SLC7A7: variants seen among roughly 807,000 people sequenced by gnomAD.
SLC7A7 encodes the protein solute carrier family 7 member 7, also known as Y+L amino acid transporter 1.
In SLC7A7, 39 loss-of-function variants were observed where a neutral mutation model predicts 47.9. The observed-to-expected ratio is 0.81, with a 90% CI of 0.63 to 1.06. The LOEUF is 1.06. SLC7A7 is among the 50% of genes least tolerant of loss of function. SLC7A7 has a pLI of 0.00. For synonymous variants in SLC7A7, 234 were observed against 242.8 expected, an observed-to-expected ratio of 0.96 and a Z score of 0.34; for missense variants, 588 against 632.0, an observed-to-expected ratio of 0.93 and a Z score of 0.75.
intron 2 of SLC7A7, among the ~76,000 whole-genome samples, chr14:22,795,385 GCTTTCTTTCTTTCTTT>G (rs1160830498): frequency 1.4e-4 from 2 of 14,496 alleles, no homozygotes; most frequent in African/African-American, 4.2e-4. Context: ...TTGCTTGCTT[GCTTTCTTTCTTTCTTT>G]CTTTCTTTCT....
chr14:22,774,231 C>G, intron 8 of SLC7A7, 115 bp from the exon 9 acceptor site: 1 of 1,590,656 alleles, frequency 6.3e-7, no homozygotes, highest in Admixed American at 1.7e-5. Context: ...CCTTTAATTT[C>G]AACACATTAC....
intron 2 of SLC7A7, 118 bp downstream of exon 2, chr14:22,812,782 T>TATATATATATATATATATATATATATAC (rs1211450082): frequency 1.5e-6 from 1 of 646,306 alleles, no homozygotes; most frequent in African/African-American, 2.0e-5. Context: ...ACTATATATA[T>TATATATATATATATATATATATATATAC]ATATATATAT....
intron 2 of SLC7A7, among the ~76,000 whole-genome samples, chr14:22,804,751 G>A (rs932206313): frequency 5.9e-5 from 9 of 152,236 alleles, no homozygotes; most frequent in African/African-American, 9.6e-5. Flanking sequence ...CCAGCACTTC[G>A]GGAGGCTGAG....
In SLC7A7 at chr14:22,776,267, A is replaced by G. The variant is rs771656395; in HGVS notation, c.822T>C (p.Tyr274=). 6.2e-7 allele frequency: 1 copy of G among 1,614,232 alleles called. No homozygotes were observed. Among genetic ancestry groups the G allele is most frequent in the Admixed American group, 1.7e-5 (1 of 60,022 alleles). Residue 274 remains tyrosine, a synonymous_variant, in exon 5 of 10, where the codon TAT becomes TAC. Transcript: ENST00000674313. ...GISMPIVTII[Y]ILTNVAYYTV... is the part of the protein sequence containing the mutation. ...TATAATAGGCCACATTGGTCAAGAT[A>G]TAGATGATGGTGACAATGGGCATGG...
intron 2 of SLC7A7, among the ~76,000 whole-genome samples, chr14:22,788,172 G>T (rs1452858644): frequency 1.3e-5 from 2 of 152,026 alleles, no homozygotes; most frequent in African/African-American, 4.8e-5. Flanking sequence ...ATGTTATTCA[G>T]CCAACTAAGA....
intron 2 of SLC7A7, among the ~76,000 whole-genome samples, chr14:22,782,443 TA>T (rs1320325154): frequency 2.0e-5 from 3 of 148,102 alleles, no homozygotes; most frequent in Admixed American, 2.0e-4. Flanking sequence ...TTTATTGACT[TA>T]TTTATTTATT....
intron 2 of SLC7A7, among the ~76,000 whole-genome samples, chr14:22,801,891 A>G (rs2331772): frequency 0.76 from 116,316 of 152,176 alleles, 45,699 homozygotes; most frequent in Non-Finnish European, 0.86. Flanking sequence ...CAAAAAGACA[A>G]TGACAGTGCA....
intron 2 of SLC7A7, among the ~76,000 whole-genome samples, chr14:22,803,631 C>A (rs1453351985): frequency 6.6e-6 from 1 of 152,072 alleles, no homozygotes; most frequent in East Asian, 1.9e-4. Flanking sequence ...GCAAGAAGGC[C>A]AGTGTAGCTG....
chr14:22,773,586 C>T lies in SLC7A7; in HGVS notation c.*24G>A, dbSNP rs1490189839. The T allele has an allele frequency of 6.3e-7, 1 of 1,594,502 alleles. No homozygotes were observed. The highest frequency in any genetic ancestry group is 1.7e-5 in the Admixed American group (1 of 59,958). ...CCAGTAGACCAGAAACCCCTGCTTT[C>T]CACATCAGGATTCCAGATGGTGTTT... On this transcript the variant is annotated 3_prime_UTR_variant, in exon 10 of 10. Coordinates refer to ENST00000674313, the MANE Select transcript of SLC7A7 (RefSeq NM_003982.4).
chr14:22,773,952 A>G lies in SLC7A7; in HGVS notation c.1410T>C (p.Leu470=). 6.2e-7 allele frequency: 1 copy of G among 1,614,174 alleles called. No homozygotes were observed. The highest frequency in any genetic ancestry group is 8.5e-7 in the Non-Finnish European group (1 of 1,180,048). The change falls in exon 9 of 10, where the codon CTT becomes CTC. Residue 470 remains leucine, a synonymous_variant. Transcript: ENST00000674313. ...GCTTACCCACGATCCTTCGGAGGTAAAGCGGTCGCTTATGTTCTGGCACTC... is the reference window on the plus strand; with the variant it reads ...GCTTACCCACGATCCTTCGGAGGTAGAGCGGTCGCTTATGTTCTGGCACTC... ...IIRVPEHKRP[L]YLRRIVGSAT... is the part of the protein sequence containing the mutation.
chr14:22,792,867 AAGAGAGAGAG>A (rs113285148), intron 2 of SLC7A7, among the ~76,000 whole-genome samples: 6 of 122,466 alleles, frequency 4.9e-5, no homozygotes, highest in East Asian at 2.4e-4. Context: ...CAAAGAAAGA[AAGAGAGAGAG>A]AGAGAGAGAG....
chr14:22,817,623 G>A (rs761705320), upstream of SLC7A7, among the ~76,000 whole-genome samples: 23 of 152,216 alleles, frequency 1.5e-4, no homozygotes, highest in Non-Finnish European at 2.5e-4. Flanking sequence ...TTACAGGCAT[G>A]AGCCATTGTG....
chr14:22,817,239 T>C (rs766480231), upstream of SLC7A7: 14 of 238,694 alleles, frequency 5.9e-5, no homozygotes, highest in East Asian at 2.1e-3. Flanking sequence ...CACCACCTCC[T>C]GGTTCAAGCA....
intron 2 of SLC7A7, among the ~76,000 whole-genome samples, chr14:22,806,118 C>CA (rs753674829): frequency 0.11 from 7,250 of 66,216 alleles, 671 homozygotes; most frequent in Non-Finnish European, 0.13. Flanking sequence ...GACTCTGTCT[C>CA]AAAAAAAAAA....
intron 2 of SLC7A7, among the ~76,000 whole-genome samples, chr14:22,806,303 C>T (rs2039207961): frequency 7.1e-6 from 1 of 141,032 alleles, no homozygotes; most frequent in Admixed American, 7.6e-5. Flanking sequence ...TCAAGCGATT[C>T]TCCTGCCTCA....
At chr14:22,798,535 G>A (rs1170023524) in intron 2 of SLC7A7, among the ~76,000 whole-genome samples, 1 of 152,184 alleles carries the variant, frequency 6.6e-6, no homozygotes, top group South Asian at 2.1e-4. Context: ...TCATTGTAGG[G>A]TAGAGATATT....
rs2139382323 is a variant in SLC7A7 at position 22,773,717 on chromosome 14, C to T, written c.1430-1G>A. The stretch of plus-strand genomic sequence containing the variant: ...ACCTGGAGGTACCTTGTGGCAGACC[C>T]TACAAAGAGAACTTTGAGTTGGAAT... On this transcript the variant is annotated splice_acceptor_variant, in intron 9 of 9. Coordinates refer to ENST00000674313, the MANE Select transcript of SLC7A7 (RefSeq NM_003982.4). LOFTEE classifies it high-confidence loss of function. 6.2e-7 allele frequency: 1 copy of T among 1,613,992 alleles called. No homozygotes were observed. The highest frequency in any genetic ancestry group is 2.2e-5 in the East Asian group (1 of 44,878).
In SLC7A7 at chr14:22,773,707, G is replaced by T. The variant is rs1335715973; in HGVS notation, c.1439C>A (p.Thr480Lys). Residue 480 changes from threonine to lysine, a missense_variant, in exon 10 of 10, where the codon ACA (threonine) becomes AAA (lysine). Transcript: ENST00000674313. Reference protein sequence around the residue: ...LYLRRIVGSATRYLQVLCMSV... With the variant: ...LYLRRIVGSAKRYLQVLCMSV... ...CATACACAGGACCTGGAGGTACCTT[G>T]TGGCAGACCCTACAAAGAGAACTTT... 2.5e-6 allele frequency: 4 copies of T among 1,614,014 alleles called. No homozygotes were observed. The highest frequency in any genetic ancestry group is 2.5e-6 in the Non-Finnish European group (3 of 1,180,002).
At chr14:22,816,553 A>C (rs2039410670), upstream of SLC7A7, 2 of 152,120 alleles carry the variant, frequency 1.3e-5, no homozygotes, top group Admixed American at 6.6e-5. Flanking sequence ...GATTTCACTG[A>C]ATTCTGTTGG....
Sources: allele counts gnomAD v4.1 joint callset (sites outside exome capture counted in the v4.1 genomes callset), GRCh38; gene constraint gnomAD v4.1.1; transcripts MANE v1.5; gene names NCBI Gene and HGNC (gene_info 2026-07-23, HGNC 2026-07-21).